Variants in TRPS1 observed in about 807,000 individuals in gnomAD.
The protein encoded by TRPS1 is zinc finger transcription factor Trps1.
Under a neutral mutation model 101.2 loss-of-function variants are expected in TRPS1, and 6 were observed. The ratio of observed to expected loss-of-function variants is 0.06; its 90% CI spans 0.03 to 0.12. The LOEUF is 0.12. Ranked by LOEUF, TRPS1 falls within the 10% of genes least tolerant of loss-of-function variation. TRPS1 has a pLI of 1.00. For synonymous variants in TRPS1, 578 were observed against 589.8 expected, an observed-to-expected ratio of 0.98 and a Z score of 0.29; for missense variants, 1,363 against 1,567.0, an observed-to-expected ratio of 0.87 and a Z score of 2.20.
intron 3 of TRPS1, 53 bp downstream of exon 3, chr8:115,619,079 C>T: frequency 3.8e-6 from 6 of 1,593,192 alleles, no homozygotes; most frequent in Non-Finnish European, 4.3e-6. Context: ...TAAGAATTCA[C>T]ATTTCATTTC....
At chr8:115,469,769 T>C (rs1277507154) in intron 5 of TRPS1, among the ~76,000 whole-genome samples, 1 of 152,174 alleles carries the variant, frequency 6.6e-6, no homozygotes, top group East Asian at 1.9e-4. Flanking sequence ...ACTCAGGTGA[T>C]CTGCCCACTT....
intron 5 of TRPS1, among the ~76,000 whole-genome samples, chr8:115,561,092 T>A (rs904465138): frequency 3.9e-5 from 6 of 152,166 alleles, no homozygotes; most frequent in African/African-American, 1.2e-4. Flanking sequence ...ACGCTTTCTA[T>A]GTGAATGTTT....
chr8:115,615,011 A>G (rs1344927377), intron 3 of TRPS1, among the ~76,000 whole-genome samples: 1 of 152,224 alleles, frequency 6.6e-6, no homozygotes, highest in Non-Finnish European at 1.5e-5. Flanking sequence ...TCCTGCTTCT[A>G]ACATGACATA....
chr8:115,665,964 G>A (rs1019781757), intron 1 of TRPS1, among the ~76,000 whole-genome samples: 3 of 152,110 alleles, frequency 2.0e-5, no homozygotes, highest in African/African-American at 4.8e-5. Context: ...ACATCAGCTC[G>A]CCAGTGGTAA....
intron 1 of TRPS1, among the ~76,000 whole-genome samples, chr8:115,628,748 C>G (rs1387357389): frequency 6.6e-6 from 1 of 151,780 alleles, no homozygotes; most frequent in Non-Finnish European, 1.5e-5. Context: ...TAGCTAAGCT[C>G]TGCCTGGGAT....
chr8:115,528,337 A>T (rs1586367128), intron 5 of TRPS1, among the ~76,000 whole-genome samples: 1 of 152,070 alleles, frequency 6.6e-6, no homozygotes, highest in South Asian at 2.1e-4. Context: ...CTTAAGAGTC[A>T]CAAAGCATGG....
chr8:115,550,559 C>T (rs1224142629), intron 5 of TRPS1, among the ~76,000 whole-genome samples: 1 of 152,308 alleles, frequency 6.6e-6, no homozygotes, highest in East Asian at 1.9e-4. Context: ...TTTGTCATTA[C>T]TATAAATTGG....
At position 115,587,492 on chromosome 8, in the gene TRPS1, C is replaced by T; in HGVS notation, c.2209G>A (p.Ala737Thr). ...VHCQEQDITT[A>T]NGEEDGHAIS... is the part of the protein sequence containing the mutation. ...GCATGACCGTCCTCTTCGCCGTTGG[C>T]TGTAGTGATGTCCTGTTCCTGGCAG... Residue 737 changes from alanine to threonine, a missense_variant, in exon 5 of 7, where the codon GCC becomes ACC. By Grantham distance (58) the Ala-to-Thr change is moderately conservative. Coordinates refer to ENST00000395715, the MANE Select transcript of TRPS1 (RefSeq NM_014112.5). 6.2e-7 allele frequency: 1 copy of T among 1,614,112 alleles called. No individual in the cohort carries two copies. The highest frequency in any genetic ancestry group is 1.1e-5 in the South Asian group (1 of 91,078).
At chr8:115,483,230 T>C (rs1400890608) in intron 5 of TRPS1, among the ~76,000 whole-genome samples, 1 of 152,186 alleles carries the variant, frequency 6.6e-6, no homozygotes, top group Non-Finnish European at 1.5e-5. Context: ...TCTTTGCTTA[T>C]GCCTTTTTAA....
intron 6 of TRPS1, among the ~76,000 whole-genome samples, chr8:115,415,356 T>C (rs1812893524): frequency 6.6e-6 from 1 of 152,124 alleles, no homozygotes; most frequent in Non-Finnish European, 1.5e-5. Context: ...ATGCAACAGA[T>C]TTTGAGATTG....
rs373410728 is a variant in TRPS1, at chr8:115,587,241, G to A, written c.2460C>T (p.Thr820=). 2.6e-4 allele frequency: 415 copies of A among 1,614,186 alleles called. No homozygotes were observed. In the East Asian group the frequency reaches 5.9e-3, roughly 23 times the overall value. Residue 820 remains threonine (T), a synonymous_variant, in exon 5 of 7, where the codon ACC becomes ACT. Coordinates refer to ENST00000395715, the MANE Select transcript of TRPS1 (RefSeq NM_014112.5). The part of the protein sequence containing the change: ...ADILRGSPSY[T]QASLGLLTPV... ...GCGTCAGCAGCCCCAGGCTTGCTTG[G>A]GTGTATGACGGACTCCCCCGCAGGA...
chr8:115,588,491 C>A (rs1234868322), intron 4 of TRPS1, among the ~76,000 whole-genome samples: 1 of 152,052 alleles, frequency 6.6e-6, no homozygotes. Flanking sequence ...TAAAACAAGA[C>A]AATTTTATTA....
rs749706431 is a variant in TRPS1 at position 115,604,405 on chromosome 8, CCTT to C, written c.1561_1563del (p.Lys521del). 9 of 1,613,934 alleles carry C rather than the reference CCTT, an allele frequency of 5.6e-6. No individual in the cohort carries two copies. The highest frequency in any genetic ancestry group is 4.5e-5 in the East Asian group (2 of 44,868). ...TCCTCGGCTCCCTTGCTGGAGAAGT[CCTT>C]CTTTTTAGCCCCACTCGAGCTCTTG... On this transcript the variant is annotated inframe_deletion, in exon 4 of 7. Coordinates refer to ENST00000395715, the MANE Select transcript of TRPS1 (RefSeq NM_014112.5). The surrounding 1 kb of genome is among the most constrained non-coding windows in gnomAD (Gnocchi z 4.1).
intron 5 of TRPS1, among the ~76,000 whole-genome samples, chr8:115,484,646 A>G (rs1221165211): frequency 1.3e-5 from 2 of 152,162 alleles, no homozygotes; most frequent in East Asian, 3.9e-4. Context: ...TTCAAAAATG[A>G]CTTTTTTCCT....
chr8:115,571,710 G>T (rs1817207706), intron 5 of TRPS1, among the ~76,000 whole-genome samples: 2 of 151,968 alleles, frequency 1.3e-5, no homozygotes, highest in South Asian at 4.2e-4. Context: ...TAAGCCACTG[G>T]GTTAAATCTA....
chr8:115,604,298 C>T lies in TRPS1; in HGVS notation c.1671G>A (p.Gly557=). The change falls in exon 4 of 7, where the codon GGG becomes GGA. Residue 557 remains glycine, a synonymous_variant. Transcript: ENST00000395715. The surrounding 1 kb of genome is among the most constrained non-coding windows in gnomAD (Gnocchi z 4.1). The stretch of plus-strand genomic sequence containing the variant: ...GCTGTTGATAATGACGGAGAAGTGG[C>T]CCCACTACAATTACATCAGGGCCAT... ...KSHGPDVIVV[G]PLLRHYQQLH... 6.2e-7 allele frequency: 1 copy of T among 1,614,052 alleles called. No individual in the cohort carries two copies.
intron 5 of TRPS1, among the ~76,000 whole-genome samples, chr8:115,489,398 G>GA (rs1043614221): frequency 1.3e-5 from 2 of 152,180 alleles, no homozygotes; most frequent in African/African-American, 4.8e-5. Flanking sequence ...CTGCTTTGCA[G>GA]AAAAAAACCA....
At chr8:115,480,178 A>G (rs1246672882) in intron 5 of TRPS1, among the ~76,000 whole-genome samples, 37 of 152,140 alleles carry the variant, frequency 2.4e-4, no homozygotes, top group Non-Finnish European at 4.4e-5. Context: ...TTCCATTTAG[A>G]AGTTTGTGTT....
chr8:115,645,097 G>GA (rs1419812854), intron 1 of TRPS1, among the ~76,000 whole-genome samples: 5 of 151,808 alleles, frequency 3.3e-5, no homozygotes, highest in Non-Finnish European at 7.4e-5. Context: ...ACATATTTTT[G>GA]AAAAAAATGG....
Sources: gnomAD v4.1 joint callset for allele counts (sites outside exome capture counted in the v4.1 genomes callset) on GRCh38, gnomAD v4.1.1 for gene constraint, Gnocchi (gnomAD v3.1) non-coding constraint, MANE v1.5 for transcripts, NCBI Gene and HGNC (gene_info 2026-07-23, HGNC 2026-07-21) for gene names.